Variants in INSL6 observed in about 807,000 individuals in gnomAD.
The protein encoded by INSL6 is insulin-like peptide INSL6.
INSL6 carries 16 observed loss-of-function variants against 9.4 expected under a neutral mutation model. That is an observed-to-expected ratio of 1.70 (90% CI 1.15 to 2.59). INSL6 has a LOEUF of 2.59. Among genes scored for constraint, INSL6 ranks in the 30% most tolerant of loss-of-function variants. INSL6 has a pLI of 0.00. For missense variants in INSL6, 391 were observed against 257.3 expected, an observed-to-expected ratio of 1.52 and a Z score of -3.56; for synonymous variants, 154 against 96.9, an observed-to-expected ratio of 1.59 and a Z score of -3.46.
At chr9:5,013,804 T>A in the INSL6 span, among the ~76,000 whole-genome samples, 1 of 152,222 alleles carries the variant, frequency 6.6e-6, no homozygotes, top group African/African-American at 2.4e-5. Context: ...ACTTAGATGA[T>A]GTGTAATTTA....
At chr9:5,072,606 G>A in the INSL6 span, 1 of 1,607,100 alleles carries the variant, frequency 6.2e-7, no homozygotes. Context: ...TCTGGATAAA[G>A]CACACAGAAA....
the INSL6 span, among the ~76,000 whole-genome samples, chr9:4,999,086 A>G: frequency 2.6e-5 from 4 of 151,970 alleles, no homozygotes; most frequent in African/African-American, 7.2e-5. Flanking sequence ...CGGCCTCCCA[A>G]AGTGCTGGGA....
the INSL6 span, among the ~76,000 whole-genome samples, chr9:5,066,127 CT>C: frequency 6.6e-6 from 1 of 151,992 alleles, no homozygotes; most frequent in African/African-American, 2.4e-5. Context: ...ATGATTCTTT[CT>C]TTTGTATAGA....
intron 2 of INSL6, among the ~76,000 whole-genome samples, chr9:5,137,349 C>A (rs1432695390): frequency 6.6e-6 from 1 of 152,160 alleles, no homozygotes; most frequent in African/African-American, 2.4e-5. Context: ...CTGGAGGCAT[C>A]ACACTACCTG....
At chr9:5,069,162 C>A in the INSL6 span, 1 of 1,611,072 alleles carries the variant, frequency 6.2e-7, no homozygotes, top group Non-Finnish European at 8.5e-7. Flanking sequence ...TTCGCTCAGA[C>A]AATATAATTT....
chr9:5,116,111 T>A, the INSL6 span, among the ~76,000 whole-genome samples: 3 of 152,088 alleles, frequency 2.0e-5, no homozygotes, highest in Non-Finnish European at 2.9e-5. Context: ...TTGGGCTAAA[T>A]GCATTTTATG....
intron 1 of INSL6, among the ~76,000 whole-genome samples, chr9:5,179,671 A>G (rs562730955): frequency 5.9e-5 from 9 of 152,242 alleles, no homozygotes; most frequent in African/African-American, 1.9e-4. Flanking sequence ...GCTATAAAAA[A>G]GAATGAGATC....
At chr9:5,183,420 C>T (rs1825501401) in intron 1 of INSL6, among the ~76,000 whole-genome samples, 3 of 152,114 alleles carry the variant, frequency 2.0e-5, no homozygotes, top group Admixed American at 1.3e-4. Context: ...TTATTTTCTA[C>T]AAGTCTTGTT....
the INSL6 span, among the ~76,000 whole-genome samples, chr9:5,017,110 A>G: frequency 6.6e-6 from 1 of 152,244 alleles, no homozygotes; most frequent in East Asian, 1.9e-4. Flanking sequence ...AGCAGACTTC[A>G]TATTTATGTT....
At chr9:5,008,009 A>G in the INSL6 span, among the ~76,000 whole-genome samples, 446 of 152,276 alleles carry the variant, frequency 2.9e-3, 1 homozygote, top group African/African-American at 0.01. Context: ...GATTACAGGC[A>G]TGAGCCACCG....
At chr9:5,138,601 C>T (rs1824430796) in intron 2 of INSL6, among the ~76,000 whole-genome samples, 1 of 151,238 alleles carries the variant, frequency 6.6e-6, no homozygotes, top group Non-Finnish European at 1.5e-5. Context: ...GGCTAGGGAG[C>T]TATTGCATTA....
chr9:4,997,136 C>T, the INSL6 span, among the ~76,000 whole-genome samples: 1 of 151,668 alleles, frequency 6.6e-6, no homozygotes, highest in Non-Finnish European at 1.5e-5. Flanking sequence ...TTCACCGTGT[C>T]ACTCAGTCTG....
the INSL6 span, among the ~76,000 whole-genome samples, chr9:5,024,738 C>A: frequency 6.6e-6 from 1 of 152,172 alleles, no homozygotes; most frequent in Non-Finnish European, 1.5e-5. Context: ...TGAATATCTT[C>A]TGTGAAGCTG....
the INSL6 span, among the ~76,000 whole-genome samples, chr9:5,014,092 T>A: frequency 6.6e-6 from 1 of 152,026 alleles, no homozygotes. Flanking sequence ...TAAAATGTGA[T>A]ATTTGAGGTA....
the INSL6 span, chr9:5,090,957 T>C: frequency 7.8e-7 from 1 of 1,283,352 alleles, no homozygotes; most frequent in South Asian, 1.4e-5. Context: ...AGCACAGACT[T>C]CAAACTTTAT....
chr9:5,027,615 T>G, the INSL6 span, among the ~76,000 whole-genome samples: 2 of 152,332 alleles, frequency 1.3e-5, no homozygotes, highest in African/African-American at 4.8e-5. Flanking sequence ...CAATGCTATT[T>G]GATAGCATTT....
chr9:5,129,576 G>C (rs930782026), intron 3 of INSL6, among the ~76,000 whole-genome samples: 2 of 152,080 alleles, frequency 1.3e-5, no homozygotes, highest in African/African-American at 4.8e-5. Context: ...GTAACAGTAA[G>C]TCAGCAGGAT....
intron 1 of INSL6, among the ~76,000 whole-genome samples, chr9:5,184,750 G>T (rs755485375): frequency 1.3e-5 from 2 of 152,178 alleles, no homozygotes; most frequent in African/African-American, 4.8e-5. Flanking sequence ...ATAGGAGAAC[G>T]GACCAGGCCT....
the INSL6 span, among the ~76,000 whole-genome samples, chr9:5,103,963 C>G: frequency 6.6e-6 from 1 of 152,012 alleles, no homozygotes; most frequent in Non-Finnish European, 1.5e-5. Context: ...CAAGAGAAAG[C>G]AGGAAAGAGC....
Sources: gnomAD v4.1 joint callset for allele counts (sites outside exome capture counted in the v4.1 genomes callset) on GRCh38, gnomAD v4.1.1 for gene constraint, MANE v1.5 for transcripts, NCBI Gene and HGNC (gene_info 2026-07-23, HGNC 2026-07-21) for gene names.